The following SDHAF4 variants were observed in gnomAD, a reference collection of about 807,000 sequenced individuals.
SDHAF4 encodes succinate dehydrogenase assembly factor 4, mitochondrial.
SDHAF4 carries 14 observed loss-of-function variants against 14.3 expected under a neutral mutation model. The ratio of observed to expected loss-of-function variants is 0.98; its 90% CI spans 0.65 to 1.53. The LOEUF (loss-of-function observed/expected upper bound fraction) is 1.53, where lower values mean the gene tolerates loss of function less well. SDHAF4 is among the 40% of genes most tolerant of loss of function. The probability of loss-of-function intolerance (pLI) is 0.00; values close to 1 mark genes in which losing one functional copy is unlikely to be tolerated. For synonymous variants in SDHAF4, 63 were observed against 47.3 expected (o/e 1.33, Z -1.36); for missense variants, 141 against 129.3 (o/e 1.09, Z -0.44).
chr6:70,586,428 CTTT>C (rs70990316), intron 2 of SDHAF4, among the ~76,000 whole-genome samples: 2 of 80,304 alleles, frequency 2.5e-5, no homozygotes, highest in East Asian at 6.6e-4. Context: ...ATTTGTTTGC[CTTT>C]TTTTTTTTTT....
downstream of SDHAF4, among the ~76,000 whole-genome samples, chr6:70,592,475 G>A (rs1765267516): frequency 6.6e-6 from 1 of 152,210 alleles, no homozygotes; most frequent in Admixed American, 6.5e-5. Context: ...GAAGATCAAA[G>A]TGTTGGAAAC....
At chr6:70,585,938 C>T (rs1191543363) in intron 2 of SDHAF4, among the ~76,000 whole-genome samples, 1 of 152,132 alleles carries the variant, frequency 6.6e-6, no homozygotes, top group Non-Finnish European at 1.5e-5. Flanking sequence ...AAAATAAAAG[C>T]CGTATGCCTT....
downstream of SDHAF4, among the ~76,000 whole-genome samples, chr6:70,593,436 A>G (rs1765276205): frequency 6.6e-6 from 1 of 152,220 alleles, no homozygotes; most frequent in Non-Finnish European, 1.5e-5. Flanking sequence ...TTCCCAACAG[A>G]GCAGTGCACT....
At chr6:70,587,916 C>G (rs1765222626) in intron 2 of SDHAF4, among the ~76,000 whole-genome samples, 1 of 152,190 alleles carries the variant, frequency 6.6e-6, no homozygotes, top group African/African-American at 2.4e-5. Context: ...CAGTAATTCT[C>G]TAGCTAAGAT....
At chr6:70,575,393 C>T (rs1378867511) in intron 1 of SDHAF4, among the ~76,000 whole-genome samples, 1 of 151,384 alleles carries the variant, frequency 6.6e-6, no homozygotes, top group Admixed American at 6.6e-5. Context: ...AAAAAGGACC[C>T]TCCTGGTCAA....
chr6:70,569,923 T>C (rs1317821970), intron 1 of SDHAF4, among the ~76,000 whole-genome samples: 2 of 152,236 alleles, frequency 1.3e-5, no homozygotes, highest in Non-Finnish European at 2.9e-5. Context: ...GGTTTGTATA[T>C]GGTGTGAGGC....
At chr6:70,585,137 C>T (rs1289863858) in intron 2 of SDHAF4, among the ~76,000 whole-genome samples, 2 of 152,114 alleles carry the variant, frequency 1.3e-5, no homozygotes, top group Non-Finnish European at 2.9e-5. Flanking sequence ...TCTGTTGGAG[C>T]TCTAACCCCC....
intron 2 of SDHAF4, among the ~76,000 whole-genome samples, chr6:70,579,801 C>T (rs1180747203): frequency 1.3e-5 from 2 of 151,920 alleles, no homozygotes; most frequent in Non-Finnish European, 2.9e-5. Flanking sequence ...TTTGTTATAC[C>T]TCATTATTCA....
At chr6:70,577,582 C>G (rs1047474267) in intron 1 of SDHAF4, among the ~76,000 whole-genome samples, 1 of 152,170 alleles carries the variant, frequency 6.6e-6, no homozygotes, top group Non-Finnish European at 1.5e-5. Flanking sequence ...ATTTTAGATT[C>G]AGGGAGTACA....
intron 2 of SDHAF4, among the ~76,000 whole-genome samples, chr6:70,586,887 G>A (rs547391008): frequency 6.6e-5 from 10 of 152,290 alleles, no homozygotes; most frequent in African/African-American, 1.2e-4. Flanking sequence ...GGGGCCAGGC[G>A]GCCGGGCACA....
At chr6:70,581,255 T>C (rs890197747) in intron 2 of SDHAF4, among the ~76,000 whole-genome samples, 5 of 152,034 alleles carry the variant, frequency 3.3e-5, no homozygotes, top group African/African-American at 1.2e-4. Flanking sequence ...ACTACCAAAT[T>C]GTACACTTAC....
In SDHAF4 at chr6:70,586,302, G is replaced by A. The variant is rs144039658; in HGVS notation, c.218-2313G>A. Among the ~76,000 whole-genome samples, 872 of 152,224 alleles carry A rather than the reference G, an allele frequency of 5.7e-3. 8 individuals are homozygous for A. Among genetic ancestry groups the A allele is most frequent in the African/African-American group, 0.014 (586 of 41,530 alleles). On this transcript the variant is annotated intron_variant, in intron 2 of 2. Coordinates refer to ENST00000370474, the MANE Select transcript of SDHAF4 (RefSeq NM_145267.3). ...GCTCTCAGAGGCTTCTACTCTCTGG[G>A]TTTCAGTTTCCTCCTAACACCTGCC...
At chr6:70,579,229 G>C (rs1463631267) in intron 1 of SDHAF4, among the ~76,000 whole-genome samples, 185 bp from the exon 2 acceptor site, 1 of 152,116 alleles carries the variant, frequency 6.6e-6, no homozygotes, top group Admixed American at 6.5e-5. Flanking sequence ...TTTTCAAACT[G>C]GTGGTCTTCC....
intron 1 of SDHAF4, among the ~76,000 whole-genome samples, chr6:70,568,552 A>T (rs1802134395): frequency 6.6e-6 from 1 of 152,096 alleles, no homozygotes; most frequent in African/African-American, 2.4e-5. Context: ...GTAGTTATTC[A>T]TTCAACTGTG....
intron 1 of SDHAF4, among the ~76,000 whole-genome samples, chr6:70,575,125 C>T (rs1002555736): frequency 2.6e-5 from 4 of 152,312 alleles, no homozygotes; most frequent in African/African-American, 4.8e-5. Context: ...TGCCTGTAAT[C>T]GCAATACTTT....
At chr6:70,595,835 CA>C in the SDHAF4 span, among the ~76,000 whole-genome samples, 23,386 of 98,442 alleles carry the variant, frequency 0.24, 1,784 homozygotes, top group Middle Eastern at 0.3. Context: ...GACTCTATCT[CA>C]AAAAAAAAAA....
downstream of SDHAF4, among the ~76,000 whole-genome samples, chr6:70,594,483 C>T (rs1334356583): frequency 6.6e-6 from 1 of 152,092 alleles, no homozygotes; most frequent in Non-Finnish European, 1.5e-5. Flanking sequence ...CACATTTGGC[C>T]ACCTCACCTT....
intron 1 of SDHAF4, among the ~76,000 whole-genome samples, chr6:70,578,428 T>G (rs1263287804): frequency 6.6e-6 from 1 of 152,222 alleles, no homozygotes; most frequent in South Asian, 2.1e-4. Flanking sequence ...GGTTGTTGTT[T>G]GCTTGTTGAG....
rs189139183 is a variant in SDHAF4, at chr6:70,572,121, C to T, written c.64+5117C>T. 3.2e-3 allele frequency among the ~76,000 whole-genome samples: 405 copies of T among 126,930 alleles called. 2 individuals carry two copies. Among genetic ancestry groups the T allele is most frequent in the African/African-American group, 0.012 (386 of 32,666 alleles). The allele number at this position is 126,930 out of a possible 152,430, so 83.3% of individuals were successfully genotyped here. On this transcript the variant is annotated intron_variant, in intron 1 of 2. Transcript: ENST00000370474. ...TCTTGCTCTGTCGCCCAGGCTGGAG[C>T]GCAGTGGTGCGATCTTGGCTCACTG... is the stretch of plus-strand genomic sequence containing the variant.
Sources: allele counts gnomAD v4.1 joint callset (sites outside exome capture counted in the v4.1 genomes callset), GRCh38; gene constraint gnomAD v4.1.1; transcripts MANE v1.5; gene names NCBI Gene and HGNC (gene_info 2026-07-23, HGNC 2026-07-21).